The following CCNB2 variants were observed in gnomAD, a reference collection of about 807,000 sequenced individuals.
The protein encoded by CCNB2 is cyclin B2.
In CCNB2, 39 loss-of-function variants were observed where a neutral mutation model predicts 51.1. The observed-to-expected ratio is 0.76, with a 90% CI of 0.59 to 1.00. The LOEUF (loss-of-function observed/expected upper bound fraction) is 1.00, where lower values mean the gene tolerates loss of function less well. CCNB2 is among the 50% of genes least tolerant of loss of function. CCNB2 has a pLI of 0.00. For missense variants in CCNB2, 472 were observed against 470.3 expected (o/e 1.00, Z -0.03); for synonymous variants, 174 against 165.5 (o/e 1.05, Z -0.40).
At chr15:59,120,990 T>C (rs563904948) in intron 7 of CCNB2, 27 of 151,954 alleles carry the variant, frequency 1.8e-4, no homozygotes, top group Non-Finnish European at 3.1e-4. Flanking sequence ...TGAGGAAATA[T>C]GCAAATCCAG....
intron 5 of CCNB2, chr15:59,115,639 A>G (rs530038497): frequency 5.3e-5 from 8 of 152,330 alleles, no homozygotes; most frequent in African/African-American, 1.7e-4. Context: ...AAATTACTTT[A>G]CAATAATGAC....
At position 59,107,453 on chromosome 15, in the gene CCNB2, A is replaced by G; in HGVS notation, c.153+3A>G. ...CCAGAGCAGCACAAGTAGCTAAGGT[A>G]ACAATGATGAAGACTGAATGTGAAT... On this transcript the variant is annotated splice_donor_region_variant and intron_variant, in intron 2 of 8. Coordinates refer to ENST00000288207, the MANE Select transcript of CCNB2 (RefSeq NM_004701.4). 5 of 1,614,140 alleles carry G rather than the reference A, an allele frequency of 3.1e-6. No homozygotes were observed. The highest frequency in any genetic ancestry group is 4.2e-6 in the Non-Finnish European group (5 of 1,180,004).
In CCNB2 at chr15:59,114,602, C is replaced by G. The variant is rs2079270866; in HGVS notation, c.426C>G (p.Leu142=). 6.3e-7 allele frequency: 1 copy of G among 1,593,646 alleles called. No homozygotes were observed. The highest frequency in any genetic ancestry group is 1.3e-5 in the African/African-American group (1 of 74,404). The change falls in exon 4 of 9, where the codon CTC becomes CTG. Residue 142 remains leucine (L), a synonymous_variant. Transcript: ENST00000288207. The part of the protein sequence containing the change: ...SDYVKDIYQY[L]RQLEVLQSIN... ...ACGTTAAGGATATCTATCAGTATCT[C>G]AGGCAGCTGGAGGTAGGTGGGCCTT...
intron 3 of CCNB2, among the ~76,000 whole-genome samples, chr15:59,113,049 T>G (rs753149552): frequency 3.9e-5 from 6 of 152,010 alleles, no homozygotes; most frequent in Non-Finnish European, 8.8e-5. Flanking sequence ...AAAAAACATT[T>G]AAAAAAGCAA....
rs747767886 is a variant in CCNB2 at position 59,124,876 on chromosome 15, A to AG, written c.*1dup. 6.4e-7 allele frequency: 1 copy of AG among 1,564,202 alleles called. No individual in the cohort carries two copies. Among genetic ancestry groups the AG allele is most frequent in the South Asian group, 1.2e-5 (1 of 83,208 alleles). Residue 399 remains the stop codon, a frameshift_variant and stop_retained_variant, in exon 9 of 9, where the codon TAG becomes TAGG. Transcript: ENST00000288207. LOFTEE classifies it high-confidence loss of function. ...GCCTCCCCACTGATAGGAAGGTCCTAGGCTGCCGTGGCCCCTGGGGATGTG... is the reference window on the plus strand; with the variant it reads ...GCCTCCCCACTGATAGGAAGGTCCTAGGGCTGCCGTGGCCCCTGGGGATGTG... ...DLASPLIGRS[*]
At chr15:59,106,217 T>C (rs2079235254) in intron 1 of CCNB2, among the ~76,000 whole-genome samples, 1 of 152,236 alleles carries the variant, frequency 6.6e-6, no homozygotes, top group South Asian at 2.1e-4. Context: ...CTTTTTCAGA[T>C]TGGCAGTTGC....
intron 2 of CCNB2, 30 bp downstream of exon 2, chr15:59,107,480 C>A: frequency 6.2e-7 from 1 of 1,613,908 alleles, no homozygotes; most frequent in East Asian, 2.2e-5. Context: ...AATGTGAATA[C>A]AGAGGCCGAT....
intron 3 of CCNB2, 60 bp downstream of exon 3, chr15:59,107,730 C>T (rs1286786231): frequency 3.1e-6 from 4 of 1,289,404 alleles, no homozygotes; most frequent in African/African-American, 2.9e-5. Flanking sequence ...AGCCAGACTA[C>T]AAGGGTGCCT....
At chr15:59,107,497 T>C in intron 2 of CCNB2, 47 bp downstream of exon 2, 1 of 1,613,886 alleles carries the variant, frequency 6.2e-7, no homozygotes, top group Non-Finnish European at 8.5e-7. Context: ...CGATTCTGTA[T>C]AGTGCTGAGT....
chr15:59,122,546 T>C (rs1256949148), intron 7 of CCNB2, among the ~76,000 whole-genome samples: 3 of 149,584 alleles, frequency 2.0e-5, no homozygotes, highest in Non-Finnish European at 3.0e-5. Context: ...TCTTTTTTTT[T>C]CTTTTTTTTT....
chr15:59,107,876 G>A (rs2079242464), intron 3 of CCNB2, among the ~76,000 whole-genome samples: 1 of 152,156 alleles, frequency 6.6e-6, no homozygotes, highest in Admixed American at 6.5e-5. Context: ...GCTTATGCCT[G>A]TAATCTCAGC....
chr15:59,116,523 A>G (rs576930848), intron 5 of CCNB2, among the ~76,000 whole-genome samples, 167 bp from the exon 6 acceptor site: 4 of 82,326 alleles, frequency 4.9e-5, no homozygotes, highest in Non-Finnish European at 1.1e-4. Context: ...ACAGTGCTCA[A>G]TTACAGATAG....
rs563747632 is a variant in CCNB2, at chr15:59,112,917, C to G, written c.268-1527C>G. ...AGTGTGGTGGAAGGCGCCTGTAGTC[C>G]CAGCTACTCCAGAAGCTGAGGCAGG... is the stretch of plus-strand genomic sequence containing the variant. On this transcript the variant is annotated intron_variant, in intron 3 of 8. Coordinates refer to ENST00000288207, the MANE Select transcript of CCNB2 (RefSeq NM_004701.4). 2.0e-5 allele frequency among the ~76,000 whole-genome samples: 3 copies of G among 151,764 alleles called. No homozygotes were observed. The South Asian group carries it at 6.3e-4, about 32-fold the overall frequency.
rs2079317517 is a variant in CCNB2, at chr15:59,124,647, T to C, written c.1087-120T>C. On this transcript the variant is annotated intron_variant, in intron 8 of 8. Coordinates refer to ENST00000288207, the MANE Select transcript of CCNB2 (RefSeq NM_004701.4). ...CAGAGCTTTCACTGGCTTCAGCGATTGGGCATCATCAATGTGATCATGATT... is the reference window on the plus strand; with the variant it reads ...CAGAGCTTTCACTGGCTTCAGCGATCGGGCATCATCAATGTGATCATGATT... 6.8e-6 allele frequency: 5 copies of C among 733,768 alleles called. No homozygotes were observed. The African/African-American group carries it at 7.0e-5, about 10-fold the overall frequency. 45.5% of individuals were successfully genotyped at this position (733,768 alleles called of 1,614,324 possible).
intron 7 of CCNB2, chr15:59,120,997 C>G (rs1448187741): frequency 6.6e-6 from 1 of 151,618 alleles, no homozygotes; most frequent in Non-Finnish European, 1.5e-5. Context: ...ATATGCAAAT[C>G]CAGAATGTGA....
At chr15:59,105,380 C>A in intron 1 of CCNB2, 88 bp downstream of exon 1, 1 of 1,405,656 alleles carries the variant, frequency 7.1e-7, no homozygotes, top group Non-Finnish European at 9.7e-7. Context: ...CGAGCTTCTC[C>A]GTCCCAACCG....
chr15:59,107,408 A>C lies in CCNB2; in HGVS notation c.111A>C (p.Glu37Asp). 6.2e-7 allele frequency: 1 copy of C among 1,614,154 alleles called. No homozygotes were observed. The highest frequency in any genetic ancestry group is 8.5e-7 in the Non-Finnish European group (1 of 1,180,032). ...CTATTAGGCGAACTGTTTTAGAAGA[A>C]ATTGGAAATAGAGTTACAACCAGAG... ...HVTIRRTVLE[E>D]IGNRVTTRAA... is the part of the protein sequence containing the mutation. The change falls in exon 2 of 9, where the codon GAA becomes GAC. Residue 37 changes from glutamate (E) to aspartate (D), a missense_variant. Glu to Asp is a conservative substitution (Grantham distance 45). Transcript: ENST00000288207.
chr15:59,123,376 T>C (rs1050018248), intron 7 of CCNB2, 141 bp from the exon 8 acceptor site: 19 of 602,336 alleles, frequency 3.2e-5, no homozygotes, highest in African/African-American at 2.2e-4. Context: ...AGGGCTTTGA[T>C]TGAATTTCCA....
chr15:59,117,950 G>A (rs1368770736), intron 7 of CCNB2, among the ~76,000 whole-genome samples: 1 of 152,186 alleles, frequency 6.6e-6, no homozygotes, highest in Non-Finnish European at 1.5e-5. Context: ...GGGAAAGAAA[G>A]CAAGCAAGCT....
Sources: gnomAD v4.1 joint callset for allele counts (sites outside exome capture counted in the v4.1 genomes callset) on GRCh38, gnomAD v4.1.1 for gene constraint, MANE v1.5 for transcripts, NCBI Gene and HGNC (gene_info 2026-07-23, HGNC 2026-07-21) for gene names.